CELF2: variants seen among roughly 807,000 people sequenced by gnomAD.
The protein encoded by CELF2 is CUGBP Elav-like family member 2.
A neutral mutation model predicts 62.6 loss-of-function variants in CELF2; 8 were observed. That is an observed-to-expected ratio of 0.13 (90% confidence interval 0.07 to 0.23). CELF2 has a LOEUF of 0.23. CELF2 is among the 10% of genes least tolerant of loss of function. The pLI is 1.00. For missense variants in CELF2, 333 were observed against 671.0 expected (o/e 0.50, Z 5.56); for synonymous variants, 258 against 250.0 (o/e 1.03, Z -0.30).
At position 11,145,229 on chromosome 10, in the gene CELF2, A is replaced by G. The variant is rs1387429167; in HGVS notation, c.75-20257A>G. Among the ~76,000 whole-genome samples the G allele has an allele frequency of 6.6e-6, 1 of 152,242 alleles. No individual in the cohort carries two copies. Among genetic ancestry groups the G allele is most frequent in the Non-Finnish European group, 1.5e-5 (1 of 68,044 alleles). ...ATACAGAACAGAACAAATGTAAAAC[A>G]CTGCTGCTGCTCAAGGTTTGTAATT... On this transcript the variant is annotated intron_variant, in intron 1 of 12. Transcript: ENST00000633077. This position sits in a 1 kb window ranked among gnomAD's most constrained non-coding sequence, Gnocchi z 4.3.
At chr10:11,245,243 T>C (rs895979473) in intron 3 of CELF2, among the ~76,000 whole-genome samples, 1 of 151,988 alleles carries the variant, frequency 6.6e-6, no homozygotes, top group Non-Finnish European at 1.5e-5. Context: ...GTTCTGGGAG[T>C]CGGAAGATTT....
At chr10:10,607,779 G>A in the CELF2 span, among the ~76,000 whole-genome samples, 1 of 152,124 alleles carries the variant, frequency 6.6e-6, no homozygotes, top group East Asian at 1.9e-4. Flanking sequence ...GTTTTGGGGG[G>A]ATGTCTCCAA....
intron 1 of CELF2, among the ~76,000 whole-genome samples, chr10:10,841,814 C>T (rs771962466): frequency 6.6e-6 from 1 of 152,034 alleles, no homozygotes; most frequent in Non-Finnish European, 1.5e-5. Context: ...AATAACTTTG[C>T]TGATACCCAC....
In CELF2 at chr10:11,290,396, CTG is replaced by C. The variant is rs1306039013; in HGVS notation, c.976+1847_976+1848del. On this transcript the variant is annotated intron_variant, in intron 9 of 12. Transcript: ENST00000633077. This position sits in a 1 kb window ranked among gnomAD's most constrained non-coding sequence, Gnocchi z 4.3. Reference sequence around the variant, plus strand: ...GGTGGGGGAGAGCGGAGTGGGGGCTCTGTGGTGGACCGCGTCCGTTCCAGCCC... The same window carrying C: ...GGTGGGGGAGAGCGGAGTGGGGGCTCTGGTGGACCGCGTCCGTTCCAGCCC... Among the ~76,000 whole-genome samples, 1 of 152,032 alleles carries C rather than the reference CTG, an allele frequency of 6.6e-6. No homozygotes were observed. Among genetic ancestry groups the C allele is most frequent in the Non-Finnish European group, 1.5e-5 (1 of 68,010 alleles).
the CELF2 span, among the ~76,000 whole-genome samples, chr10:10,650,873 A>G: frequency 6.6e-6 from 1 of 152,158 alleles, no homozygotes; most frequent in African/African-American, 2.4e-5. Context: ...AGGAGCCAAG[A>G]TGGCCGAATA....
chr10:11,219,364 C>A (rs2064153867), intron 3 of CELF2, among the ~76,000 whole-genome samples: 1 of 152,136 alleles, frequency 6.6e-6, no homozygotes, highest in South Asian at 2.1e-4. Context: ...AAATATTGTA[C>A]GTGTGTTACT....
At chr10:10,735,792 T>C in the CELF2 span, among the ~76,000 whole-genome samples, 5 of 152,228 alleles carry the variant, frequency 3.3e-5, no homozygotes, top group South Asian at 6.2e-4. Context: ...TTGTGAGCAA[T>C]TATTCCCCCT....
chr10:10,869,853 T>G (rs538376473), intron 1 of CELF2, among the ~76,000 whole-genome samples: 2 of 152,258 alleles, frequency 1.3e-5, no homozygotes, highest in South Asian at 4.2e-4. Flanking sequence ...CGGTGACATG[T>G]TTCTTTGGTC....
the CELF2 span, among the ~76,000 whole-genome samples, chr10:10,468,686 T>C: frequency 0.59 from 89,136 of 151,722 alleles, 26,278 homozygotes; most frequent in Admixed American, 0.65. Context: ...AAATGTTTTC[T>C]TCACAATTTG....
the CELF2 span, among the ~76,000 whole-genome samples, chr10:10,465,797 C>G: frequency 1.3e-5 from 2 of 151,964 alleles, no homozygotes; most frequent in African/African-American, 4.8e-5. Context: ...GGCTTGTCCA[C>G]CTGTGGTTTA....
chr10:10,575,329 G>C, the CELF2 span, among the ~76,000 whole-genome samples: 1 of 152,130 alleles, frequency 6.6e-6, no homozygotes, highest in Non-Finnish European at 1.5e-5. Flanking sequence ...TTTGCATTTA[G>C]GTTATACCTG....
the CELF2 span, among the ~76,000 whole-genome samples, chr10:10,641,650 T>C: frequency 2.0e-5 from 3 of 152,100 alleles, no homozygotes; most frequent in African/African-American, 7.2e-5. Flanking sequence ...GGTTTCACCA[T>C]GTTGGCCAGG....
At chr10:10,992,916 A>C (rs1052680005) in intron 2 of CELF2, among the ~76,000 whole-genome samples, 5 of 152,158 alleles carry the variant, frequency 3.3e-5, no homozygotes, top group African/African-American at 9.7e-5. Context: ...AAAGTGGAGG[A>C]GATCAAGGGC....
At chr10:10,935,471 A>AG (rs2066526018) in intron 2 of CELF2, 1 of 152,218 alleles carries the variant, frequency 6.6e-6, no homozygotes, top group Non-Finnish European at 1.5e-5. Context: ...TAGGCATAAC[A>AG]GGTAAGGGAA....
intron 2 of CELF2, among the ~76,000 whole-genome samples, chr10:11,183,705 C>T (rs372030292): frequency 6.6e-6 from 1 of 152,330 alleles, no homozygotes; most frequent in East Asian, 1.9e-4. Flanking sequence ...CGATGCTGAG[C>T]ATCTTTTGAT....
At chr10:10,854,533 T>C (rs923835643) in intron 1 of CELF2, among the ~76,000 whole-genome samples, 2 of 152,092 alleles carry the variant, frequency 1.3e-5, no homozygotes, top group African/African-American at 4.8e-5. Context: ...CCAAAAATAA[T>C]TATTGGCAAA....
At chr10:11,068,299 T>C (rs2068708871) in intron 1 of CELF2, among the ~76,000 whole-genome samples, 1 of 152,210 alleles carries the variant, frequency 6.6e-6, no homozygotes, top group Non-Finnish European at 1.5e-5. Context: ...AAAATGATAT[T>C]ACAAAACAGC....
chr10:11,249,598 G>A (rs1395971134), intron 4 of CELF2, among the ~76,000 whole-genome samples: 4 of 152,288 alleles, frequency 2.6e-5, no homozygotes, highest in South Asian at 2.1e-4. Flanking sequence ...CTGTGGGTGG[G>A]GGAGGGGCGT....
the CELF2 span, among the ~76,000 whole-genome samples, chr10:10,698,204 T>C: frequency 2.6e-5 from 4 of 152,184 alleles, no homozygotes; most frequent in African/African-American, 9.7e-5. Flanking sequence ...AGTAAATCTA[T>C]GACAGAATAT....
Sources: allele counts gnomAD v4.1 joint callset (sites outside exome capture counted in the v4.1 genomes callset), GRCh38; gene constraint gnomAD v4.1.1; non-coding constraint Gnocchi (gnomAD v3.1); transcripts MANE v1.5; gene names NCBI Gene and HGNC (gene_info 2026-07-23, HGNC 2026-07-21).